The following SAFB2 variants were observed in gnomAD, a reference collection of about 807,000 sequenced individuals.
SAFB2 encodes scaffold attachment factor B2.
SAFB2 carries 32 observed loss-of-function variants against 100.6 expected under a neutral mutation model. The observed-to-expected ratio is 0.32, with a 90% CI of 0.24 to 0.43. SAFB2 has a LOEUF of 0.43. Among genes scored for constraint, SAFB2 ranks in the 20% least tolerant of loss-of-function variants. The probability of loss-of-function intolerance (pLI) is 1.00; values close to 1 mark genes in which losing one functional copy is unlikely to be tolerated. For synonymous variants in SAFB2, 500 were observed against 439.4 expected, an observed-to-expected ratio of 1.14 and a Z score of -1.72; for missense variants, 1,185 against 1,163.4, an observed-to-expected ratio of 1.02 and a Z score of -0.27.
In SAFB2 at chr19:5,622,593, C is replaced by T. The variant is rs1350529983; in HGVS notation, c.123G>A (p.Glu41=). 1.2e-6 allele frequency: 2 copies of T among 1,613,466 alleles called. No individual in the cohort carries two copies. The highest frequency in any genetic ancestry group is 1.7e-6 in the Non-Finnish European group (2 of 1,179,818). Residue 41 remains glutamate, a synonymous_variant, in exon 1 of 21, where the codon GAG becomes GAA. Coordinates refer to ENST00000252542, the MANE Select transcript of SAFB2 (RefSeq NM_014649.3). The stretch of plus-strand genomic sequence containing the variant: ...CCGTGTCCAGGTTCCGCTTCTTCAG[C>T]TCCGCCCGCAGATCGATCACCCGCA... The part of the protein sequence containing the change: ...SELRVIDLRA[E]LKKRNLDTGG...
intron 9 of SAFB2, among the ~76,000 whole-genome samples, chr19:5,608,146 G>C (rs1420652624): frequency 6.6e-6 from 1 of 152,172 alleles, no homozygotes; most frequent in Non-Finnish European, 1.5e-5. Flanking sequence ...ACGTCCTTCT[G>C]TTTTTGTCCA....
chr19:5,587,679 C>CG lies in SAFB2; in HGVS notation c.2705+21_2705+22insC. On this transcript the variant is annotated intron_variant, in intron 20 of 20. Coordinates refer to ENST00000252542, the MANE Select transcript of SAFB2 (RefSeq NM_014649.3). The surrounding 1 kb of genome is among the most constrained non-coding windows in gnomAD (Gnocchi z 4.9). ...TGAGGAGCAGGAGTGAACCACCGTC[C>CG]TCCACGGACGACACACCTTACCCCG... 1 of 1,540,988 alleles carries CG rather than the reference C, an allele frequency of 6.5e-7. No homozygotes were observed. The highest frequency in any genetic ancestry group is 1.2e-5 in the South Asian group (1 of 83,136).
intron 4 of SAFB2, among the ~76,000 whole-genome samples, chr19:5,614,840 C>G (rs1440192040): frequency 6.6e-6 from 1 of 152,202 alleles, no homozygotes; most frequent in African/African-American, 2.4e-5. Flanking sequence ...CACAGTCAGT[C>G]CTTTTGGGGA....
chr19:5,598,317 C>T (rs532992165), intron 13 of SAFB2, among the ~76,000 whole-genome samples: 41 of 152,206 alleles, frequency 2.7e-4, no homozygotes, highest in African/African-American at 7.0e-4. Context: ...GACGCTATTT[C>T]GTCTAGTTGT....
rs1274427094 is a variant in SAFB2, at chr19:5,593,901, C to T, written c.2197G>A (p.Asp733Asn). Reference sequence around the variant, plus strand: ...CTGGGCGGGACTCACCGGTCCAGGTCGTAGGGCCTCCGCCCGGGCCGCCGC... The same window carrying T: ...CTGGGCGGGACTCACCGGTCCAGGTTGTAGGGCCTCCGCCCGGGCCGCCGC... ...QERRPGRRPY[D>N]LDRRDDAYWP... The change falls in exon 15 of 21, where the codon GAC becomes AAC. Residue 733 changes from aspartate (D) to asparagine (N), a missense_variant. This residue lies in a region of SAFB2 where 740 missense variants were observed against 687.1 expected (regional missense o/e 1.08). Coordinates refer to ENST00000252542, the MANE Select transcript of SAFB2 (RefSeq NM_014649.3). The T allele has an allele frequency of 4.6e-6, 7 of 1,510,948 alleles. 1 individual carries two copies. The African/African-American group carries it at 7.1e-5, about 15-fold the overall frequency. 93.6% of individuals were successfully genotyped at this position (1,510,948 alleles called of 1,614,324 possible).
intron 2 of SAFB2, 148 bp downstream of exon 2, chr19:5,621,161 T>G: frequency 1.5e-6 from 1 of 662,910 alleles, no homozygotes; most frequent in South Asian, 1.7e-5. Flanking sequence ...AGCTACCTGT[T>G]AGGTGGTGAC....
Position 5,590,374 on chromosome 19 carries a change from G to C in SAFB2, c.2429C>G (p.Pro810Arg). The change falls in exon 18 of 21, where the codon CCC becomes CGC. Residue 810 changes from proline (P) to arginine (R), a missense_variant. Pro to Arg is a moderately radical substitution (Grantham distance 103, BLOSUM62 -2). This residue lies in a region of SAFB2 where 740 missense variants were observed against 687.1 expected (regional missense o/e 1.08). Transcript: ENST00000252542. Reference sequence around the variant, plus strand: ...GGAGTCCCGGCCGTGGCGCTCTGGGGGTCCTCCGTGGCCATGGCGGTCATC... The same window carrying C: ...GGAGTCCCGGCCGTGGCGCTCTGGGCGTCCTCCGTGGCCATGGCGGTCATC... ...YGDDRHGHGG[P>R]PERHGRDSRD... 6.2e-7 allele frequency: 1 copy of C among 1,611,692 alleles called. No individual in the cohort carries two copies. Among genetic ancestry groups the C allele is most frequent in the Non-Finnish European group, 8.5e-7 (1 of 1,179,222 alleles).
In SAFB2 at chr19:5,602,499, A is replaced by T. The variant is rs1231683776; in HGVS notation, c.1559+2084T>A. ...TGTCTCAAAAAAAAAAAAAAAAAAA[A>T]AAAAAAATCTTAAGTCCATCACCCA... is the stretch of plus-strand genomic sequence containing the variant. On this transcript the variant is annotated intron_variant, in intron 11 of 20. Coordinates refer to ENST00000252542, the MANE Select transcript of SAFB2 (RefSeq NM_014649.3). Among the ~76,000 whole-genome samples the T allele has an allele frequency of 6.6e-4, 99 of 151,106 alleles. 1 individual carries two copies. The highest frequency in any genetic ancestry group is 2.4e-3 in the African/African-American group (98 of 41,226).
At chr19:5,597,572 A>G (rs1051559460) in intron 13 of SAFB2, among the ~76,000 whole-genome samples, 1 of 152,206 alleles carries the variant, frequency 6.6e-6, no homozygotes, top group African/African-American at 2.4e-5. Context: ...TGGCAGGCAC[A>G]GGGGACGTGT....
At chr19:5,591,644 G>A in intron 17 of SAFB2, 104 bp downstream of exon 17, 5 of 1,108,576 alleles carry the variant, frequency 4.5e-6, no homozygotes, top group Non-Finnish European at 6.7e-6. Flanking sequence ...TGCTGACTTG[G>A]TTGCCACCTC....
rs200613061 is a variant in SAFB2, at chr19:5,587,737, C to T, written c.2669G>A (p.Gly890Glu). Residue 890 changes from glycine (G) to glutamate (E), a missense_variant, in exon 20 of 21, where the codon GGG (glycine) becomes GAG (glutamate). By Grantham distance (98) the Gly-to-Glu change is moderately conservative. Around this residue, in one of 3 missense-constraint regions of SAFB2, gnomAD observed 740 missense variants for 687.1 expected, o/e 1.08. Coordinates refer to ENST00000252542, the MANE Select transcript of SAFB2 (RefSeq NM_014649.3). The surrounding 1 kb of genome is among the most constrained non-coding windows in gnomAD (Gnocchi z 4.9). ...GGERGLSGPSGPGHMASRGGV... is the reference protein window; with the variant it reads ...GGERGLSGPSEPGHMASRGGV... ...ACCGCGGCTTGCCATGTGCCCCGGCCCCGAGGGCCCAGACAGGCCCCTCTC... is the reference window on the plus strand; with the variant it reads ...ACCGCGGCTTGCCATGTGCCCCGGCTCCGAGGGCCCAGACAGGCCCCTCTC... 3,249 of 1,552,538 alleles carry T rather than the reference C, an allele frequency of 2.1e-3. 66 individuals are homozygous for T. In the South Asian group the frequency reaches 0.026, roughly 13 times the overall value.
chr19:5,607,668 C>T (rs2052805892), intron 9 of SAFB2, among the ~76,000 whole-genome samples: 1 of 152,166 alleles, frequency 6.6e-6, no homozygotes, highest in South Asian at 2.1e-4. Context: ...AACGCCAAGC[C>T]CACCACCACT....
In SAFB2 at chr19:5,591,868, G is replaced by A. The variant is rs2052414694; in HGVS notation, c.2349-75C>T. 58 of 1,398,396 alleles carry A rather than the reference G, an allele frequency of 4.1e-5. 1 individual carries two copies. In the South Asian group the frequency reaches 5.1e-4, roughly 12 times the overall value. The allele number at this position is 1,398,396 out of a possible 1,614,324, so 86.6% of individuals were successfully genotyped here. The stretch of plus-strand genomic sequence containing the variant: ...TTTCTGCAGGTCAGGCAAGTTTCGC[G>A]ACTGGGATACTTTTTCCATCCCATC... On this transcript the variant is annotated intron_variant, in intron 16 of 20. Coordinates refer to ENST00000252542, the MANE Select transcript of SAFB2 (RefSeq NM_014649.3).
At chr19:5,589,920 G>A (rs1022666241) in intron 18 of SAFB2, among the ~76,000 whole-genome samples, 4 of 152,208 alleles carry the variant, frequency 2.6e-5, no homozygotes, top group East Asian at 1.9e-4. Context: ...CAACGTGGAG[G>A]CAGGGGCGAG....
chr19:5,622,227 G>C (rs2145370221), intron 1 of SAFB2, among the ~76,000 whole-genome samples: 1 of 152,360 alleles, frequency 6.6e-6, no homozygotes, highest in East Asian at 1.9e-4. Flanking sequence ...CAAGGTCACA[G>C]AGCCAAGGCT....
chr19:5,593,922 G>A lies in SAFB2; in HGVS notation c.2176C>T (p.Arg726Trp), dbSNP rs1389300772. 5 of 1,533,638 alleles carry A rather than the reference G, an allele frequency of 3.3e-6. No homozygotes were observed. The highest frequency in any genetic ancestry group is 2.4e-5 in the East Asian group (1 of 42,188). Residue 726 changes from arginine to tryptophan, a missense_variant, in exon 15 of 21, where the codon CGG (arginine) becomes TGG (tryptophan). Around this residue, in one of 3 missense-constraint regions of SAFB2, gnomAD observed 740 missense variants for 687.1 expected, o/e 1.08. Transcript: ENST00000252542. Reference protein sequence around the residue: ...QEQLRYEQERRPGRRPYDLDR... With the variant: ...QEQLRYEQERWPGRRPYDLDR... ...AGGTCGTAGGGCCTCCGCCCGGGCC[G>A]CCGCTCCTGCTCGTAACGCAGCTGC...
chr19:5,595,209 C>A (rs1293696983), intron 14 of SAFB2, 152 bp downstream of exon 14: 2 of 1,017,478 alleles, frequency 2.0e-6, no homozygotes, highest in Non-Finnish European at 2.9e-6. Flanking sequence ...AGGTGCTGGC[C>A]CCTGCCTCGA....
intron 13 of SAFB2, 84 bp downstream of exon 13, chr19:5,598,709 T>C: frequency 4.8e-6 from 6 of 1,245,856 alleles, no homozygotes; most frequent in Non-Finnish European, 7.1e-6. Context: ...GGCAAAACAG[T>C]GCTGTTTTCA....
intron 2 of SAFB2, among the ~76,000 whole-genome samples, chr19:5,621,077 T>C (rs1438327447): frequency 6.6e-6 from 1 of 152,204 alleles, no homozygotes; most frequent in Non-Finnish European, 1.5e-5. Context: ...TGGCAGAAGC[T>C]GAAACGTTTT....
Sources: gnomAD v4.1 joint callset for allele counts (sites outside exome capture counted in the v4.1 genomes callset) on GRCh38, gnomAD v4.1.1 for gene constraint, gnomAD v4.1.1 regional missense constraint, Gnocchi (gnomAD v3.1) non-coding constraint, MANE v1.5 for transcripts, NCBI Gene and HGNC (gene_info 2026-07-23, HGNC 2026-07-21) for gene names.